Variants in PTPRD observed in about 807,000 individuals in gnomAD.
PTPRD encodes protein tyrosine phosphatase receptor type D.
A neutral mutation model predicts 214.5 loss-of-function variants in PTPRD; 34 were observed. That is an observed-to-expected ratio of 0.16 (90% confidence interval 0.12 to 0.21). The LOEUF (loss-of-function observed/expected upper bound fraction) is 0.21. PTPRD is among the 10% of genes least tolerant of loss of function. The probability of loss-of-function intolerance (pLI) is 1.00; values close to 1 mark genes in which losing one functional copy is unlikely to be tolerated. For missense variants in PTPRD, 2,545 were observed against 2,398.7 expected (o/e 1.06, Z -1.27); for synonymous variants, 1,128 against 845.7 (o/e 1.33, Z -5.79).
At chr9:9,853,080 T>C (rs960906911) in intron 5 of PTPRD, among the ~76,000 whole-genome samples, 1 of 152,216 alleles carries the variant, frequency 6.6e-6, no homozygotes, top group African/African-American at 2.4e-5. Flanking sequence ...TTAAGTCACA[T>C]ATTATTTAAA....
chr9:9,657,389 G>A (rs1316269787), intron 7 of PTPRD, among the ~76,000 whole-genome samples: 1 of 152,082 alleles, frequency 6.6e-6, no homozygotes, highest in African/African-American at 2.4e-5. Context: ...ACTCATAAGT[G>A]GGAGTTGAAC....
chr9:8,464,726 T>TA (rs753129751), intron 32 of PTPRD, among the ~76,000 whole-genome samples: 1 of 151,128 alleles, frequency 6.6e-6, no homozygotes, highest in Non-Finnish European at 1.5e-5. Context: ...TTTTTTTTTT[T>TA]AAACATTCAA....
intron 10 of PTPRD, among the ~76,000 whole-genome samples, chr9:9,078,974 G>C (rs981038552): frequency 1.3e-5 from 2 of 151,964 alleles, no homozygotes; most frequent in African/African-American, 4.8e-5. Flanking sequence ...GCATAGCCAT[G>C]TTTCAATACT....
intron 2 of PTPRD, among the ~76,000 whole-genome samples, chr9:10,408,424 A>G (rs2098399198): frequency 6.6e-6 from 1 of 151,680 alleles, no homozygotes; most frequent in South Asian, 2.1e-4. Flanking sequence ...ATCTTAAATA[A>G]GAAAGTAAAT....
At position 9,480,768 on chromosome 9, in the gene PTPRD, C is replaced by T. The variant is rs539504644; in HGVS notation, c.-236-83286G>A. On this transcript the variant is annotated intron_variant, in intron 8 of 45. Transcript: ENST00000381196. ...AGTCTTGATAAAAATACAACATTAA[C>T]ATCCATCAATAATTAGAGAAAAATA... Among the ~76,000 whole-genome samples the T allele has an allele frequency of 9.2e-5, 14 of 152,116 alleles. 1 individual carries two copies. In the South Asian group the frequency reaches 2.7e-3, roughly 29 times the overall value.
At chr9:9,167,328 T>G (rs1417996736) in intron 10 of PTPRD, among the ~76,000 whole-genome samples, 1 of 145,586 alleles carries the variant, frequency 6.9e-6, no homozygotes, top group Non-Finnish European at 1.5e-5. Context: ...TATATGGGGT[T>G]TGTGTGTGTG....
At chr9:9,791,459 T>C (rs1195124384) in intron 5 of PTPRD, among the ~76,000 whole-genome samples, 1 of 152,154 alleles carries the variant, frequency 6.6e-6, no homozygotes, top group African/African-American at 2.4e-5. Context: ...TAATTGGTTA[T>C]TTCAATATCA....
At chr9:8,665,745 A>C (rs1397573541) in intron 12 of PTPRD, among the ~76,000 whole-genome samples, 3 of 152,200 alleles carry the variant, frequency 2.0e-5, no homozygotes, top group African/African-American at 7.2e-5. Context: ...ATAGTAACAA[A>C]AGTCACAGTC....
At chr9:9,466,974 G>C (rs192890830) in intron 8 of PTPRD, among the ~76,000 whole-genome samples, 16 of 152,036 alleles carry the variant, frequency 1.1e-4, no homozygotes, top group Admixed American at 9.8e-4. Context: ...TTTTGATTTA[G>C]CCGAATAGCT....
intron 39 of PTPRD, 119 bp from the exon 40 acceptor site, chr9:8,342,097 G>T: frequency 9.4e-7 from 1 of 1,058,892 alleles, no homozygotes; most frequent in African/African-American, 1.6e-5. Context: ...TACTCAAATA[G>T]CTATTGGGAT....
intron 10 of PTPRD, among the ~76,000 whole-genome samples, chr9:9,058,182 A>T (rs1486773805): frequency 6.6e-6 from 1 of 152,174 alleles, no homozygotes; most frequent in African/African-American, 2.4e-5. Context: ...TAGGGCTTGT[A>T]CTTACGACTA....
chr9:8,497,793 G>A (rs760360989), intron 25 of PTPRD, among the ~76,000 whole-genome samples: 27 of 152,082 alleles, frequency 1.8e-4, no homozygotes, highest in Non-Finnish European at 3.2e-4. Context: ...AAAAGACAGA[G>A]TTCACATTTA....
chr9:8,896,453 A>G lies in PTPRD; in HGVS notation c.-104+122244T>C, dbSNP rs138166474. 3.9e-5 allele frequency among the ~76,000 whole-genome samples: 6 copies of G among 152,356 alleles called. No individual in the cohort carries two copies. In the East Asian group the frequency reaches 9.6e-4, roughly 24 times the overall value. On this transcript the variant is annotated intron_variant, in intron 11 of 45. Transcript: ENST00000381196. ...ACCCAAGCTTAAAATAGCATAAAAT[A>G]GCATATAGAACACAAAAGTCAACAC...
At chr9:9,471,288 C>G (rs2094569211) in intron 8 of PTPRD, among the ~76,000 whole-genome samples, 1 of 152,024 alleles carries the variant, frequency 6.6e-6, no homozygotes, top group Non-Finnish European at 1.5e-5. Context: ...GAATGAAGGC[C>G]AAAGGAAACA....
At chr9:9,235,680 G>C (rs1305471158) in intron 9 of PTPRD, among the ~76,000 whole-genome samples, 1 of 152,144 alleles carries the variant, frequency 6.6e-6, no homozygotes, top group African/African-American at 2.4e-5. Flanking sequence ...CCAACAAAAA[G>C]CCAGATAAAA....
At chr9:9,837,889 G>C (rs112092649) in intron 5 of PTPRD, among the ~76,000 whole-genome samples, 1,878 of 152,178 alleles carry the variant, frequency 0.012, 23 homozygotes, top group African/African-American at 0.042. Context: ...TTTAGCATTA[G>C]GTATATCTCC....
intron 2 of PTPRD, among the ~76,000 whole-genome samples, chr9:10,464,182 G>C (rs556962393): frequency 6.6e-6 from 1 of 152,200 alleles, no homozygotes; most frequent in East Asian, 1.9e-4. Flanking sequence ...TGGATAACTT[G>C]AGGTCAGGAG....
intron 2 of PTPRD, among the ~76,000 whole-genome samples, chr9:10,547,904 G>A (rs543816003): frequency 1.2e-4 from 19 of 152,172 alleles, no homozygotes; most frequent in Admixed American, 1.2e-3. Flanking sequence ...TAATAGAGAT[G>A]TAGTTGCATG....
At chr9:8,594,394 T>C (rs1486173291) in intron 14 of PTPRD, among the ~76,000 whole-genome samples, 1 of 152,220 alleles carries the variant, frequency 6.6e-6, no homozygotes, top group East Asian at 1.9e-4. Flanking sequence ...CATTCTCTAA[T>C]ATTAAAATGT....
Sources: gnomAD v4.1 joint callset for allele counts (sites outside exome capture counted in the v4.1 genomes callset) on GRCh38, gnomAD v4.1.1 for gene constraint, MANE v1.5 for transcripts, NCBI Gene and HGNC (gene_info 2026-07-23, HGNC 2026-07-21) for gene names.